Variants in KLF12 observed in about 807,000 individuals in gnomAD.
The protein encoded by KLF12 is KLF transcription factor 12.
KLF12 carries 9 observed loss-of-function variants against 37.8 expected under a neutral mutation model. The ratio of observed to expected loss-of-function variants is 0.24; its 90% CI spans 0.14 to 0.42. KLF12 has a LOEUF of 0.42. KLF12 is among the 10% of genes least tolerant of loss of function. KLF12 has a pLI of 1.00. For missense variants in KLF12, 411 were observed against 516.0 expected (o/e 0.80, Z 1.97); for synonymous variants, 208 against 202.1 (o/e 1.03, Z -0.25).
At chr13:73,946,754 T>G (rs1042859716) in intron 2 of KLF12, among the ~76,000 whole-genome samples, 1 of 152,226 alleles carries the variant, frequency 6.6e-6, no homozygotes, top group Non-Finnish European at 1.5e-5. Flanking sequence ...CTAGTGCAGA[T>G]TCAATCTGTA....
intron 2 of KLF12, among the ~76,000 whole-genome samples, chr13:73,973,718 A>G (rs1891414847): frequency 6.6e-6 from 1 of 152,198 alleles, no homozygotes; most frequent in African/African-American, 2.4e-5. Context: ...ACAGGACAAA[A>G]AGGAAGTAAA....
At chr13:73,923,120 TA>T (rs765218193) in intron 3 of KLF12, among the ~76,000 whole-genome samples, 2 of 152,052 alleles carry the variant, frequency 1.3e-5, no homozygotes, top group Non-Finnish European at 2.9e-5. Context: ...ACAGTTCAAG[TA>T]TTTTTTTTAT....
the KLF12 span, among the ~76,000 whole-genome samples, chr13:74,155,662 C>T: frequency 6.6e-6 from 1 of 152,150 alleles, no homozygotes; most frequent in African/African-American, 2.4e-5. Flanking sequence ...CACGCCCAGC[C>T]TGTAGCTCCT....
chr13:73,815,768 C>T (rs1041924544), intron 4 of KLF12, among the ~76,000 whole-genome samples: 2 of 152,138 alleles, frequency 1.3e-5, no homozygotes, highest in South Asian at 4.1e-4. Flanking sequence ...TTGTCCAAGA[C>T]AACTAGAGCT....
chr13:73,882,569 T>C lies in KLF12; in HGVS notation c.124-36196A>G, dbSNP rs1887029363. On this transcript the variant is annotated intron_variant, in intron 3 of 7. Transcript: ENST00000377669. ...TTTCAAAAACAGGCTGCATGAGAAATGTCAACTACAGAATTTGATTTTTAT... is the reference window on the plus strand; with the variant it reads ...TTTCAAAAACAGGCTGCATGAGAAACGTCAACTACAGAATTTGATTTTTAT... Among the ~76,000 whole-genome samples, 2 of 152,194 alleles carry C rather than the reference T, an allele frequency of 1.3e-5. 1 individual carries two copies. The highest frequency in any genetic ancestry group is 1.3e-4 in the Admixed American group (2 of 15,270).
intron 1 of KLF12, among the ~76,000 whole-genome samples, chr13:74,020,491 G>A (rs76928646): frequency 0.081 from 12,295 of 152,210 alleles, 593 homozygotes; most frequent in Non-Finnish European, 0.11. Flanking sequence ...CAGTGTTATG[G>A]CCAGGATCAG....
chr13:74,050,982 C>A (rs1160798819), intron 1 of KLF12, among the ~76,000 whole-genome samples: 1 of 152,096 alleles, frequency 6.6e-6, no homozygotes, highest in Admixed American at 6.5e-5. Context: ...ACTAAAACAA[C>A]AAGACATCAT....
At chr13:73,825,857 A>G (rs1883807887) in intron 4 of KLF12, among the ~76,000 whole-genome samples, 1 of 152,228 alleles carries the variant, frequency 6.6e-6, no homozygotes, top group Admixed American at 6.5e-5. Flanking sequence ...TCTGAGATCC[A>G]GGGTGTCTCA....
chr13:73,777,906 C>A (rs1477069561), intron 5 of KLF12, among the ~76,000 whole-genome samples: 1 of 151,776 alleles, frequency 6.6e-6, no homozygotes, highest in Admixed American at 6.6e-5. Flanking sequence ...CCGAGGCGGG[C>A]AGATCACCTG....
chr13:74,194,667 T>C, the KLF12 span, among the ~76,000 whole-genome samples: 1 of 152,170 alleles, frequency 6.6e-6, no homozygotes, highest in Non-Finnish European at 1.5e-5. Flanking sequence ...AGAAACCAAA[T>C]ATATGTTGTG....
At chr13:74,259,391 C>T in the KLF12 span, 47,219 of 152,102 alleles carry the variant, frequency 0.31, 11,883 homozygotes, top group African/African-American at 0.7. Flanking sequence ...TCTTTCCTGC[C>T]TAGCTTCTCT....
At chr13:73,912,762 T>C (rs1212473838) in intron 3 of KLF12, among the ~76,000 whole-genome samples, 1 of 152,202 alleles carries the variant, frequency 6.6e-6, no homozygotes, top group Non-Finnish European at 1.5e-5. Flanking sequence ...ATACATAGGC[T>C]AACTCACACA....
At chr13:74,092,995 G>A (rs976012601) in intron 1 of KLF12, among the ~76,000 whole-genome samples, 4 of 152,154 alleles carry the variant, frequency 2.6e-5, no homozygotes, top group Non-Finnish European at 4.4e-5. Flanking sequence ...TCACAACTAC[G>A]CACTTGAGGG....
the KLF12 span, among the ~76,000 whole-genome samples, chr13:74,275,778 T>TTTTC: frequency 7.8e-4 from 73 of 93,886 alleles, no homozygotes; most frequent in South Asian, 2.2e-3. Flanking sequence ...ATGCCTGTCT[T>TTTTC]TTTCTTTCTT....
chr13:73,938,186 C>T (rs572095919), intron 3 of KLF12, among the ~76,000 whole-genome samples: 2 of 152,254 alleles, frequency 1.3e-5, no homozygotes, highest in African/African-American at 4.8e-5. Context: ...CCTTTTTTCA[C>T]TTCTGATAAA....
intron 1 of KLF12, among the ~76,000 whole-genome samples, chr13:74,041,622 C>G (rs573777000): frequency 6.6e-6 from 1 of 151,442 alleles, no homozygotes; most frequent in Non-Finnish European, 1.5e-5. Context: ...CCAGCATCCA[C>G]GGCTCAGCGT....
At chr13:74,025,510 G>A (rs60972150) in intron 1 of KLF12, among the ~76,000 whole-genome samples, 2 of 151,852 alleles carry the variant, frequency 1.3e-5, no homozygotes, top group African/African-American at 4.8e-5. Context: ...GCTACAAGTG[G>A]GTTGTGAACA....
chr13:74,258,155 CTG>C, the KLF12 span: 1 of 88,300 alleles, frequency 1.1e-5, no homozygotes, highest in Non-Finnish European at 2.1e-5. Context: ...TGGTCTATTA[CTG>C]TGTTTGTGTG....
chr13:73,819,625 T>G (rs74095766), intron 4 of KLF12, among the ~76,000 whole-genome samples: 3,436 of 152,300 alleles, frequency 0.023, 87 homozygotes, highest in African/African-American at 0.062. Context: ...CCTGCTCTCA[T>G]GCTGCAGAGA....
Sources: allele counts gnomAD v4.1 joint callset (sites outside exome capture counted in the v4.1 genomes callset), GRCh38; gene constraint gnomAD v4.1.1; transcripts MANE v1.5; gene names NCBI Gene and HGNC (gene_info 2026-07-23, HGNC 2026-07-21).